The following CRK variants were observed in gnomAD, a reference collection of about 807,000 sequenced individuals.
CRK encodes adapter molecule crk.
In CRK, 4 loss-of-function variants were observed where a neutral mutation model predicts 29.8. The observed-to-expected ratio is 0.13, with a 90% CI of 0.07 to 0.31. The LOEUF (loss-of-function observed/expected upper bound fraction) is 0.31. CRK is among the 10% of genes least tolerant of loss of function. CRK has a pLI of 1.00. For missense variants in CRK, 274 were observed against 396.5 expected (o/e 0.69, Z 2.62); for synonymous variants, 153 against 164.9 (o/e 0.93, Z 0.55).
intron 1 of CRK, among the ~76,000 whole-genome samples, chr17:1,442,002 T>C (rs559932928): frequency 1.7e-5 from 1 of 58,968 alleles, no homozygotes; most frequent in Non-Finnish European, 3.1e-5. Flanking sequence ...ACTACAGGCA[T>C]GCACTACCAT....
At position 1,422,099 on chromosome 17, in the gene CRK, C is replaced by T. The variant is rs1303280082; in HGVS notation, c.*1414G>A. On this transcript the variant is annotated 3_prime_UTR_variant, in exon 3 of 3. Transcript: ENST00000300574. ...AATGTTCTTCAACAGCATTACTCTC[C>T]CCATGAGAAATGAATAATACATAAG... 6.6e-6 allele frequency: 1 copy of T among 151,966 alleles called. No homozygotes were observed. Among genetic ancestry groups the T allele is most frequent in the Non-Finnish European group, 1.5e-5 (1 of 68,002 alleles). 9.4% of individuals were successfully genotyped at this position (151,966 alleles called of 1,614,324 possible).
chr17:1,449,164 C>T (rs1038228097), intron 1 of CRK, among the ~76,000 whole-genome samples: 47 of 152,096 alleles, frequency 3.1e-4, no homozygotes, highest in Admixed American at 1.9e-3. Context: ...TTTATGCCCC[C>T]CTCCACCCAC....
intron 2 of CRK, among the ~76,000 whole-genome samples, chr17:1,431,157 T>A (rs952589418): frequency 6.6e-6 from 1 of 152,190 alleles, no homozygotes; most frequent in Non-Finnish European, 1.5e-5. Flanking sequence ...AAAATGCTCC[T>A]GAGGTCCCAA....
At chr17:1,429,747 A>G (rs2073819942) in intron 2 of CRK, among the ~76,000 whole-genome samples, 1 of 152,072 alleles carries the variant, frequency 6.6e-6, no homozygotes, top group Non-Finnish European at 1.5e-5. Flanking sequence ...TAGGTTACAA[A>G]GCAAGACTCC....
At chr17:1,440,540 G>A (rs2073927142) in intron 1 of CRK, among the ~76,000 whole-genome samples, 1 of 152,124 alleles carries the variant, frequency 6.6e-6, no homozygotes, top group African/African-American at 2.4e-5. Context: ...AGCACTTTGG[G>A]AGGCCAAGGC....
intron 2 of CRK, among the ~76,000 whole-genome samples, chr17:1,432,100 T>C (rs1420014578): frequency 6.6e-6 from 1 of 152,190 alleles, no homozygotes; most frequent in African/African-American, 2.4e-5. Flanking sequence ...CTGTCCAGGC[T>C]GGTCCTCAGC....
intron 2 of CRK, among the ~76,000 whole-genome samples, chr17:1,427,550 G>A (rs2073793178): frequency 1.3e-5 from 2 of 151,114 alleles, no homozygotes; most frequent in African/African-American, 2.4e-5. Context: ...CCGAGATCAC[G>A]CCACTGCACT....
Position 1,441,640 on chromosome 17 carries a change from C to T in CRK, c.242-4485G>A, listed in dbSNP as rs566304395. Among the ~76,000 whole-genome samples the T allele has an allele frequency of 1.2e-4, 18 of 151,914 alleles. No homozygotes were observed. The East Asian group carries it at 2.7e-3, about 23-fold the overall frequency. ...CCGAGTAGCTGGGACTACAGGCCCGCGCCACCACACCCGGCTAATTTTTGT... is the reference window on the plus strand; with the variant it reads ...CCGAGTAGCTGGGACTACAGGCCCGTGCCACCACACCCGGCTAATTTTTGT... On this transcript the variant is annotated intron_variant, in intron 1 of 2. Coordinates refer to ENST00000300574, the MANE Select transcript of CRK (RefSeq NM_016823.4).
chr17:1,455,533 C>T (rs1053521206), intron 1 of CRK, among the ~76,000 whole-genome samples: 6 of 152,186 alleles, frequency 3.9e-5, no homozygotes, highest in Non-Finnish European at 8.8e-5. Context: ...GTGATGCCCC[C>T]GCAGTGCCAA....
At chr17:1,448,671 T>A (rs2073994617) in intron 1 of CRK, among the ~76,000 whole-genome samples, 1 of 140,124 alleles carries the variant, frequency 7.1e-6, no homozygotes, top group African/African-American at 2.7e-5. Flanking sequence ...TTATAGGTGC[T>A]CAATAAAAAG....
chr17:1,426,124 C>G (rs2150898776), intron 2 of CRK: 1 of 152,322 alleles, frequency 6.6e-6, no homozygotes, highest in South Asian at 2.1e-4. Flanking sequence ...AGGAGGTCAC[C>G]TGAGCCTCCT....
In CRK at chr17:1,456,204, G is replaced by A. The variant is rs996650525; in HGVS notation, c.-87C>T. On this transcript the variant is annotated 5_prime_UTR_variant, in exon 1 of 3. Coordinates refer to ENST00000300574, the MANE Select transcript of CRK (RefSeq NM_016823.4). ...GCCCGCCGCCCAGCGGACCGGCTCC[G>A]GTTTCAGCTTCACAGCAGCGCCCGA... 7 of 1,341,452 alleles carry A rather than the reference G, an allele frequency of 5.2e-6. No individual in the cohort carries two copies. The highest frequency in any genetic ancestry group is 3.2e-5 in the East Asian group (1 of 31,494). The allele number at this position is 1,341,452 out of a possible 1,614,324, so 83.1% of individuals were successfully genotyped here.
intron 1 of CRK, among the ~76,000 whole-genome samples, chr17:1,449,765 G>A (rs2074003487): frequency 6.6e-6 from 1 of 152,142 alleles, no homozygotes. Flanking sequence ...ACTTGGCCAA[G>A]CCCTTCCTTA....
chr17:1,431,136 T>G (rs896855253), intron 2 of CRK, among the ~76,000 whole-genome samples: 4 of 152,184 alleles, frequency 2.6e-5, no homozygotes, highest in African/African-American at 9.6e-5. Flanking sequence ...CTGAAACGTT[T>G]AGAGCACATG....
rs373966581 is a variant in CRK at position 1,423,479 on chromosome 17, G to A, written c.*34C>T. 1.3e-6 allele frequency: 2 copies of A among 1,560,392 alleles called. No homozygotes were observed. The highest frequency in any genetic ancestry group is 1.7e-6 in the Non-Finnish European group (2 of 1,148,498). On this transcript the variant is annotated 3_prime_UTR_variant, in exon 3 of 3. Transcript: ENST00000300574. ...CAGTTGGAAAAAAAAAAAAAAGATT[G>A]TTCCCATCTGTCAGCAAAACTGTTG...
chr17:1,434,783 A>C (rs543576980), intron 2 of CRK, among the ~76,000 whole-genome samples: 63 of 123,848 alleles, frequency 5.1e-4, no homozygotes, highest in East Asian at 4.6e-3. Flanking sequence ...ATTTCGTCTC[A>C]AAAAGAACCA....
chr17:1,453,599 C>A (rs2074034900), intron 1 of CRK, among the ~76,000 whole-genome samples: 3 of 152,186 alleles, frequency 2.0e-5, no homozygotes, highest in African/African-American at 7.2e-5. Flanking sequence ...AGACCCCATA[C>A]TCATTTTTAA....
intron 2 of CRK, among the ~76,000 whole-genome samples, chr17:1,430,885 G>A (rs1209007410): frequency 1.3e-5 from 2 of 151,180 alleles, no homozygotes; most frequent in Non-Finnish European, 3.0e-5. Flanking sequence ...GGCTAACACG[G>A]TGAAACCCCG....
intron 2 of CRK, 54 bp from the exon 3 acceptor site, chr17:1,423,704 A>G: frequency 6.2e-7 from 1 of 1,603,910 alleles, no homozygotes; most frequent in Non-Finnish European, 8.5e-7. Flanking sequence ...ATGCAAGCTG[A>G]ACAACTCCAT....
Sources: gnomAD v4.1 joint callset for allele counts (sites outside exome capture counted in the v4.1 genomes callset) on GRCh38, gnomAD v4.1.1 for gene constraint, MANE v1.5 for transcripts, NCBI Gene and HGNC (gene_info 2026-07-23, HGNC 2026-07-21) for gene names.